Variants in KMT2B observed in about 807,000 individuals in gnomAD.
KMT2B encodes histone-lysine N-methyltransferase 2B.
A neutral mutation model predicts 255.3 loss-of-function variants in KMT2B; 22 were observed. The observed-to-expected ratio is 0.09, with a 90% CI of 0.06 to 0.12. The LOEUF (loss-of-function observed/expected upper bound fraction) is 0.12, where lower values mean the gene tolerates loss of function less well. Ranked by LOEUF, KMT2B falls within the 10% of genes least tolerant of loss-of-function variation. The probability of loss-of-function intolerance (pLI) is 1.00; values close to 1 mark genes in which losing one functional copy is unlikely to be tolerated. For synonymous variants in KMT2B, 1,730 were observed against 1,498.1 expected (o/e 1.15, Z -3.57); for missense variants, 3,149 against 3,737.0 (o/e 0.84, Z 4.10).
At position 35,725,044 on chromosome 19, in the gene KMT2B, A is replaced by T. The variant is rs770240978; in HGVS notation, c.3485A>T (p.Gln1162Leu). The change falls in exon 10 of 37, where the codon CAG (glutamine) becomes CTG (leucine). Residue 1162 changes from glutamine (Q) to leucine (L), a missense_variant. Physicochemically the swap from Gln to Leu is moderately radical, Grantham distance 113 (BLOSUM62 -2). Around this residue, in one of 18 missense-constraint regions of KMT2B, gnomAD observed 42 missense variants for 121.0 expected, o/e 0.35. Coordinates refer to ENST00000420124, the MANE Select transcript of KMT2B (RefSeq NM_014727.3). This position sits in a 1 kb window ranked among gnomAD's most constrained non-coding sequence, Gnocchi z 4.1. The stretch of plus-strand genomic sequence containing the variant: ...TTTCCCAATGGCTGGACTGGAAAGC[A>T]GAAGTCTCCCGATGGTGTGCACCGC... ...ASFPNGWTGK[Q>L]KSPDGVHRVR... 2 of 1,613,916 alleles carry T rather than the reference A, an allele frequency of 1.2e-6. No homozygotes were observed. Among genetic ancestry groups the T allele is most frequent in the Non-Finnish European group, 1.7e-6 (2 of 1,179,834 alleles).
chr19:35,725,016 T>G lies in KMT2B; in HGVS notation c.3457T>G (p.Ser1153Ala), dbSNP rs368009148. Reference sequence around the variant, plus strand: ...TGCTTTGGCCCCTGGCCCCTTTGCTTCTTTTCCCAATGGCTGGACTGGAAA... The same window carrying G: ...TGCTTTGGCCCCTGGCCCCTTTGCTGCTTTTCCCAATGGCTGGACTGGAAA... ...KDALAPGPFASFPNGWTGKQK... is the reference protein window; with the variant it reads ...KDALAPGPFAAFPNGWTGKQK... Residue 1153 changes from serine to alanine, a missense_variant, in exon 10 of 37, where the codon TCT (serine) becomes GCT (alanine). Around this residue, in one of 18 missense-constraint regions of KMT2B, gnomAD observed 136 missense variants for 137.3 expected, o/e 0.99. Coordinates refer to ENST00000420124, the MANE Select transcript of KMT2B (RefSeq NM_014727.3). The surrounding 1 kb of genome is among the most constrained non-coding windows in gnomAD (Gnocchi z 4.1). The G allele has an allele frequency of 9.4e-5, 151 of 1,613,576 alleles. No homozygotes were observed. Among genetic ancestry groups the G allele is most frequent in the South Asian group, 2.9e-4 (26 of 91,080 alleles).
In KMT2B at chr19:35,721,771, G is replaced by T. The variant is rs1342415250; in HGVS notation, c.2424G>T (p.Gln808His). 3 of 1,586,116 alleles carry T rather than the reference G, an allele frequency of 1.9e-6. No individual in the cohort carries two copies. The highest frequency in any genetic ancestry group is 2.6e-6 in the Non-Finnish European group (3 of 1,163,706). Residue 808 changes from glutamine to histidine, a missense_variant, in exon 3 of 37, where the codon CAG becomes CAT. By Grantham distance (24) the Gln-to-His change is conservative. Coordinates refer to ENST00000420124, the MANE Select transcript of KMT2B (RefSeq NM_014727.3). Reference protein sequence around the residue: ...RAKVQLFKIDQQQQQKVAASM... With the variant: ...RAKVQLFKIDHQQQQKVAASM... The stretch of plus-strand genomic sequence containing the variant: ...AAGTGCAGCTATTCAAGATCGATCA[G>T]CAGCAGCAGCAGAAGGTGGCAGCTT...
In KMT2B at chr19:35,718,365, G is replaced by T. The variant is rs1247645411; in HGVS notation, c.347G>T (p.Gly116Val). Residue 116 changes from glycine to valine, a missense_variant, in exon 1 of 37, where the codon GGG becomes GTG. By Grantham distance (109) the Gly-to-Val change is moderately radical. This residue lies in a region of KMT2B where 1,188 missense variants were observed against 1,106.4 expected (regional missense o/e 1.07). Coordinates refer to ENST00000420124, the MANE Select transcript of KMT2B (RefSeq NM_014727.3). The surrounding 1 kb of genome is among the most constrained non-coding windows in gnomAD (Gnocchi z 5.0). The stretch of plus-strand genomic sequence containing the variant: ...GTGCCGGAGGAGGAGAGCAGTGACG[G>T]GGAATCCGACGAGGAGGTGAGGCGG... ...GCVPEEESSD[G>V]ESDEEEFQGF... 1.6e-6 allele frequency: 2 copies of T among 1,269,804 alleles called. No individual in the cohort carries two copies. Among genetic ancestry groups the T allele is most frequent in the East Asian group, 3.0e-5 (1 of 33,610 alleles). The allele number at this position is 1,269,804 out of a possible 1,614,324, so 78.7% of individuals were successfully genotyped here.
intron 30 of KMT2B, among the ~76,000 whole-genome samples, chr19:35,735,011 A>T (rs12984350): frequency 0.043 from 6,598 of 152,232 alleles, 201 homozygotes; most frequent in Non-Finnish European, 0.068. Flanking sequence ...GGACACAGAC[A>T]TGTTAGCAAG....
In KMT2B at chr19:35,727,511, G is replaced by A. The variant is rs779351240; in HGVS notation, c.4191G>A (p.Ala1397=). 2.0e-5 allele frequency: 33 copies of A among 1,610,910 alleles called. No homozygotes were observed. The highest frequency in any genetic ancestry group is 2.7e-5 in the Non-Finnish European group (32 of 1,179,780). The change falls in exon 16 of 37, where the codon GCG becomes GCA. Residue 1397 remains alanine (A), a synonymous_variant. Transcript: ENST00000420124. This position sits in a 1 kb window ranked among gnomAD's most constrained non-coding sequence, Gnocchi z 4.2. ...CCTGCGGACCGTGTGCTGGGGCAGCGCAGCCCCGCTGGCGAGAGGCCCTGA... is the reference window on the plus strand; with the variant it reads ...CCTGCGGACCGTGTGCTGGGGCAGCACAGCCCCGCTGGCGAGAGGCCCTGA... The part of the protein sequence containing the change: ...LYTCGPCAGA[A]QPRWREALSG...
rs757968705 is a variant in KMT2B at position 35,719,799 on chromosome 19, G to A, written c.452G>A (p.Gly151Asp). 3 of 1,599,720 alleles carry A rather than the reference G, an allele frequency of 1.9e-6. No individual in the cohort carries two copies. Among genetic ancestry groups the A allele is most frequent in the South Asian group, 2.2e-5 (2 of 89,314 alleles). Residue 151 changes from glycine to aspartate, a missense_variant, in exon 3 of 37, where the codon GGT (glycine) becomes GAT (aspartate). Transcript: ENST00000420124. ...CTCCTTTTAGGTCGAGCGCCCCGAG[G>A]TCGGGGTCGCAAGCATAAGACGACC... ...LRSQRGRAPRGRGRKHKTTPL... is the reference protein window; with the variant it reads ...LRSQRGRAPRDRGRKHKTTPL...
chr19:35,731,670 CAGAG>C (rs1969697634), intron 26 of KMT2B, among the ~76,000 whole-genome samples: 2 of 152,250 alleles, frequency 1.3e-5, no homozygotes, highest in Non-Finnish European at 2.9e-5. Context: ...GCAGCAGAGG[CAGAG>C]AGGAGATGGC....
rs527676065 is a variant in KMT2B at position 35,732,644 on chromosome 19, C to T, written c.6095C>T (p.Ser2032Phe). ...TCCGAGGAGGAGTCCAGCCCCACCT[C>T]CCGCTACATCCACTTCCCTGTGACT... ...DSSEEESSPT[S>F]RYIHFPVTVV... The change falls in exon 28 of 37, where the codon TCC becomes TTC. Residue 2032 changes from serine to phenylalanine, a missense_variant. By Grantham distance (155) the Ser-to-Phe change is radical (BLOSUM62 -2). Transcript: ENST00000420124. 3 of 1,610,554 alleles carry T rather than the reference C, an allele frequency of 1.9e-6. 1 individual carries two copies. The highest frequency in any genetic ancestry group is 1.7e-4 in the Middle Eastern group (1 of 6,056).
Position 35,727,277 on chromosome 19 carries a change from A to G in KMT2B, c.4117+8A>G, listed in dbSNP as rs1282085572. 1 of 1,608,436 alleles carries G rather than the reference A, an allele frequency of 6.2e-7. No homozygotes were observed. Among genetic ancestry groups the G allele is most frequent in the Admixed American group, 1.7e-5 (1 of 59,920 alleles). ...AGTGCGAGGGGCTCTCAGGTGAGTC[A>G]GTGGAGCACCTGGGCTGCAGCCTCA... On this transcript the variant is annotated splice_region_variant and intron_variant, in intron 15 of 36. Transcript: ENST00000420124. This position sits in a 1 kb window ranked among gnomAD's most constrained non-coding sequence, Gnocchi z 4.2.
At position 35,736,745 on chromosome 19, in the gene KMT2B, G is replaced by A. The variant is rs1226368618; in HGVS notation, c.7215G>A (p.Gln2405=). ...EPPSPDDKEN[Q]APKRTGPHLR... is the part of the protein sequence containing the mutation. ...CATCCCCAGATGATAAAGAGAACCA[G>A]GCCCCAAAACGGACTGGCCCACATC... The change falls in exon 31 of 37, where the codon CAG becomes CAA. Residue 2405 remains glutamine (Q), a synonymous_variant. Coordinates refer to ENST00000420124, the MANE Select transcript of KMT2B (RefSeq NM_014727.3). 1 of 1,613,992 alleles carries A rather than the reference G, an allele frequency of 6.2e-7. No homozygotes were observed. Among genetic ancestry groups the A allele is most frequent in the Non-Finnish European group, 8.5e-7 (1 of 1,179,876 alleles).
rs1969431447 is a variant in KMT2B at position 35,726,136 on chromosome 19, C to T, written c.3886-100C>T. ...TTCTCCTCTTACCTGTCCCTCCTTG[C>T]CTGCTTCCTGCATATCCCCAATTCC... On this transcript the variant is annotated intron_variant, in intron 13 of 36. Coordinates refer to ENST00000420124, the MANE Select transcript of KMT2B (RefSeq NM_014727.3). 9.3e-6 allele frequency: 8 copies of T among 863,746 alleles called. 1 individual carries two copies. Among genetic ancestry groups the T allele is most frequent in the Non-Finnish European group, 3.8e-6 (2 of 525,404 alleles). The allele number at this position is 863,746 out of a possible 1,614,324, so 53.5% of individuals were successfully genotyped here. A position where few individuals can be genotyped will look rare whatever the true frequency, so the allele number is the denominator to read the frequency against.
Position 35,720,168 on chromosome 19 carries a change from C to T in KMT2B, c.821C>T (p.Pro274Leu). The change falls in exon 3 of 37, where the codon CCA becomes CTA. Residue 274 changes from proline to leucine, a missense_variant. Coordinates refer to ENST00000420124, the MANE Select transcript of KMT2B (RefSeq NM_014727.3). ...GSWKCKEGPG[P>L]GPGTPRRGGQ... ...TGGAAATGCAAGGAGGGGCCCGGTC[C>T]AGGACCTGGGACCCCCAGGCGTGGA... 1 of 1,604,138 alleles carries T rather than the reference C, an allele frequency of 6.2e-7. No individual in the cohort carries two copies. The highest frequency in any genetic ancestry group is 1.1e-5 in the South Asian group (1 of 89,710).
At position 35,725,006 on chromosome 19, in the gene KMT2B, C is replaced by G; in HGVS notation, c.3447C>G (p.Gly1149=). The G allele has an allele frequency of 6.2e-7, 1 of 1,613,104 alleles. No individual in the cohort carries two copies. Among genetic ancestry groups the G allele is most frequent in the Non-Finnish European group, 8.5e-7 (1 of 1,179,090 alleles). The change falls in exon 10 of 37, where the codon GGC becomes GGG. Residue 1149 remains glycine, a synonymous_variant. Coordinates refer to ENST00000420124, the MANE Select transcript of KMT2B (RefSeq NM_014727.3). The surrounding 1 kb of genome is among the most constrained non-coding windows in gnomAD (Gnocchi z 4.1). ...RRLDKDALAP[G]PFASFPNGWT... ...CTCCCCAGGATGCTTTGGCCCCTGG[C>G]CCCTTTGCTTCTTTTCCCAATGGCT...
At position 35,736,839 on chromosome 19, in the gene KMT2B, G is replaced by C. The variant is rs553831428; in HGVS notation, c.7297+12G>C. Reference sequence around the variant, plus strand: ...AGAGAGCTTGGAGGGTGAGTGGGGGGAGTGCAGTGGCAGGAGGGAGAGTGT... The same window carrying C: ...AGAGAGCTTGGAGGGTGAGTGGGGGCAGTGCAGTGGCAGGAGGGAGAGTGT... On this transcript the variant is annotated intron_variant, in intron 31 of 36. Coordinates refer to ENST00000420124, the MANE Select transcript of KMT2B (RefSeq NM_014727.3). 6.2e-7 allele frequency: 1 copy of C among 1,613,986 alleles called. No individual in the cohort carries two copies. Among genetic ancestry groups the C allele is most frequent in the East Asian group, 2.2e-5 (1 of 44,886 alleles).
Position 35,733,299 on chromosome 19 carries a change from C to G in KMT2B, c.6750C>G (p.Arg2250=). 1 of 1,446,584 alleles carries G rather than the reference C, an allele frequency of 6.9e-7. No homozygotes were observed. Among genetic ancestry groups the G allele is most frequent in the African/African-American group, 1.4e-5 (1 of 70,758 alleles). 89.6% of individuals were successfully genotyped at this position (1,446,584 alleles called of 1,614,324 possible). The stretch of plus-strand genomic sequence containing the variant: ...TGCTGCCCGTGGTCGGAGTGGTCCG[C>G]CCTGCCCCGCCCCCGCCACCCCCTC... ...LGVLPVVGVV[R]PAPPPPPPPL... is the part of the protein sequence containing the mutation. The change falls in exon 28 of 37, where the codon CGC becomes CGG. Residue 2250 remains arginine (R), a synonymous_variant. Coordinates refer to ENST00000420124, the MANE Select transcript of KMT2B (RefSeq NM_014727.3). The surrounding 1 kb of genome is among the most constrained non-coding windows in gnomAD (Gnocchi z 4.3).
rs768917179 is a variant in KMT2B, at chr19:35,725,180, G to T, written c.3529-40G>T. On this transcript the variant is annotated intron_variant, in intron 10 of 36. Transcript: ENST00000420124. The surrounding 1 kb of genome is among the most constrained non-coding windows in gnomAD (Gnocchi z 4.1). ...GAAGCCAGGTGGGTCTGCCTTGTAT[G>T]CCTGGCGGCCCTCTGATCCTGCATC... 5 of 1,594,190 alleles carry T rather than the reference G, an allele frequency of 3.1e-6. No individual in the cohort carries two copies. The highest frequency in any genetic ancestry group is 2.6e-6 in the Non-Finnish European group (3 of 1,162,824).
chr19:35,729,017 C>T lies in KMT2B; in HGVS notation c.4720C>T (p.His1574Tyr). 2 of 1,614,008 alleles carry T rather than the reference C, an allele frequency of 1.2e-6. No homozygotes were observed. Among genetic ancestry groups the T allele is most frequent in the East Asian group, 2.2e-5 (1 of 44,880 alleles). Reference protein sequence around the residue: ...FQGKDPAAFSHLEDPRQCALC... With the variant: ...FQGKDPAAFSYLEDPRQCALC... ...GGGCAAGGATCCGGCTGCCTTCTCA[C>T]ACCTGGAGGACCCCCGTCAGTGTGC... Residue 1574 changes from histidine (H) to tyrosine (Y), a missense_variant, in exon 21 of 37, where the codon CAC (histidine) becomes TAC (tyrosine). This residue lies in a region of KMT2B where 377 missense variants were observed against 471.0 expected (regional missense o/e 0.80). Coordinates refer to ENST00000420124, the MANE Select transcript of KMT2B (RefSeq NM_014727.3).
chr19:35,730,930 T>G, intron 26 of KMT2B, 63 bp downstream of exon 26: 13 of 1,471,036 alleles, frequency 8.8e-6, no homozygotes, highest in Non-Finnish European at 1.1e-5. Context: ...TACAGATCTC[T>G]GTTCCCCGCT....
In KMT2B at chr19:35,718,973, G is replaced by T. The variant is rs948153884; in HGVS notation, c.364-496G>T. On this transcript the variant is annotated intron_variant, in intron 1 of 36. Transcript: ENST00000420124. This position sits in a 1 kb window ranked among gnomAD's most constrained non-coding sequence, Gnocchi z 5.0. Reference sequence around the variant, plus strand: ...TTTCAGAACAGGCAGGAAGGTGTGGGTTGCGTTGCCCTGGACGGTTAATAA... The same window carrying T: ...TTTCAGAACAGGCAGGAAGGTGTGGTTTGCGTTGCCCTGGACGGTTAATAA... 6.6e-6 allele frequency among the ~76,000 whole-genome samples: 1 copy of T among 152,186 alleles called. No homozygotes were observed. Among genetic ancestry groups the T allele is most frequent in the Non-Finnish European group, 1.5e-5 (1 of 68,020 alleles).
Sources: gnomAD v4.1 joint callset for allele counts (sites outside exome capture counted in the v4.1 genomes callset) on GRCh38, gnomAD v4.1.1 for gene constraint, gnomAD v4.1.1 regional missense constraint, Gnocchi (gnomAD v3.1) non-coding constraint, MANE v1.5 for transcripts, NCBI Gene and HGNC (gene_info 2026-07-23, HGNC 2026-07-21) for gene names.